Variants in DNAJC2 observed in about 807,000 individuals in gnomAD.
DNAJC2 encodes DnaJ heat shock protein family (Hsp40) member C2, also known as dnaJ homolog subfamily C member 2.
A neutral mutation model predicts 94.0 loss-of-function variants in DNAJC2; 32 were observed. That is an observed-to-expected ratio of 0.34 (90% CI 0.26 to 0.46). The LOEUF is 0.46. Ranked by LOEUF, DNAJC2 falls within the 20% of genes least tolerant of loss-of-function variation. DNAJC2 has a pLI of 1.00. For synonymous variants in DNAJC2, 210 were observed against 229.7 expected (o/e 0.91, Z 0.77); for missense variants, 550 against 719.5 (o/e 0.76, Z 2.69).
At chr7:103,313,852 GA>G in intron 15 of DNAJC2, 1 of 985,362 alleles carries the variant, frequency 1.0e-6, no homozygotes, top group Non-Finnish European at 1.2e-6. Context: ...TTAAGTGGTA[GA>G]AAGCTGATTT....
chr7:103,328,638 A>C (rs1818835774), intron 3 of DNAJC2, among the ~76,000 whole-genome samples: 1 of 152,084 alleles, frequency 6.6e-6, no homozygotes, highest in Non-Finnish European at 1.5e-5. Context: ...GTCAAAAAGA[A>C]GAAGAAGAAA....
At chr7:103,328,131 A>G (rs1439669512) in intron 3 of DNAJC2, among the ~76,000 whole-genome samples, 1 of 151,842 alleles carries the variant, frequency 6.6e-6, no homozygotes, top group African/African-American at 2.4e-5. Context: ...TATGTTGGCC[A>G]GGCTGGTCTC....
Position 103,319,802 on chromosome 7 carries a change from T to C in DNAJC2, c.1126A>G (p.Met376Val), listed in dbSNP as rs1186932415. Residue 376 changes from methionine to valine, a missense_variant, in exon 11 of 17, where the codon ATG becomes GTG. Met to Val is a conservative substitution (Grantham distance 21, BLOSUM62 1). Around this residue, in one of 2 missense-constraint regions of DNAJC2, gnomAD observed 271 missense variants for 302.6 expected, o/e 0.90. Transcript: ENST00000379263. ...CAAAGTTTTTCCACTTCTTCCATCA[T>C]TTTAACCCGCTCTGCCTCATTATCA... is the stretch of plus-strand genomic sequence containing the variant. ...FSDNEAERVK[M>V]MEEVEKLCDR... 3.7e-6 allele frequency: 6 copies of C among 1,614,080 alleles called. No individual in the cohort carries two copies. The highest frequency in any genetic ancestry group is 1.6e-4 in the Middle Eastern group (1 of 6,084).
chr7:103,337,474 T>C (rs1819218883), intron 3 of DNAJC2: 1 of 333,612 alleles, frequency 3.0e-6, no homozygotes, highest in Non-Finnish European at 5.4e-6. Flanking sequence ...AAGCTTGCCA[T>C]TGGAGGAGTA....
intron 4 of DNAJC2, 165 bp downstream of exon 4, chr7:103,327,491 C>G: frequency 1.5e-6 from 1 of 681,496 alleles, no homozygotes; most frequent in Non-Finnish European, 2.5e-6. Context: ...CACTTTGTGT[C>G]GTGAGGCTCT....
rs781374896 is a variant in DNAJC2, at chr7:103,322,545, T to C, written c.899A>G (p.Glu300Gly). ...AGCTTCTTGCTCCTTCCGTTTAGCT[T>C]CTGCTTTTGCTTTCTTTTCTGCTTC... ...KKEAEKKAKAEAKRKEQEAKE... is the reference protein window; with the variant it reads ...KKEAEKKAKAGAKRKEQEAKE... The change falls in exon 9 of 17, where the codon GAA becomes GGA. Residue 300 changes from glutamate (E) to glycine (G), a missense_variant. By Grantham distance (98) the Glu-to-Gly change is moderately conservative (BLOSUM62 -2). Coordinates refer to ENST00000379263, the MANE Select transcript of DNAJC2 (RefSeq NM_014377.3). 1 of 1,557,552 alleles carries C rather than the reference T, an allele frequency of 6.4e-7. No homozygotes were observed. The highest frequency in any genetic ancestry group is 1.4e-5 in the African/African-American group (1 of 73,884).
intron 3 of DNAJC2, among the ~76,000 whole-genome samples, chr7:103,331,495 T>C (rs1563469814): frequency 6.6e-6 from 1 of 152,202 alleles, no homozygotes; most frequent in Non-Finnish European, 1.5e-5. Flanking sequence ...GACCAACCTC[T>C]CTTTATCCCT....
chr7:103,319,099 C>G (rs1305130434), intron 12 of DNAJC2, among the ~76,000 whole-genome samples: 2 of 152,030 alleles, frequency 1.3e-5, no homozygotes, highest in African/African-American at 4.8e-5. Context: ...GTAATCCCAC[C>G]CGCACTCCAG....
rs370806379 is a variant in DNAJC2, at chr7:103,316,104, A to G, written c.1428-16T>C. On this transcript the variant is annotated splice_polypyrimidine_tract_variant and intron_variant, in intron 13 of 16. Transcript: ENST00000379263. The stretch of plus-strand genomic sequence containing the variant: ...AACTTCCCATCTGATAGGATATATT[A>G]TACAATAATATGAATAGTAGTAAGG... The G allele has an allele frequency of 1.6e-5, 23 of 1,470,630 alleles. No homozygotes were observed. Among genetic ancestry groups the G allele is most frequent in the South Asian group, 1.4e-4 (11 of 79,472 alleles). 91.1% of individuals were successfully genotyped at this position (1,470,630 alleles called of 1,614,324 possible).
intron 6 of DNAJC2, among the ~76,000 whole-genome samples, chr7:103,323,949 GTC>G (rs2115901389): frequency 6.6e-6 from 1 of 152,280 alleles, no homozygotes; most frequent in African/African-American, 2.4e-5. Context: ...AATTTCGCTA[GTC>G]TGTCAAGTCT....
At chr7:103,334,756 A>T (rs1224582175) in intron 3 of DNAJC2, among the ~76,000 whole-genome samples, 2 of 152,028 alleles carry the variant, frequency 1.3e-5, no homozygotes, top group African/African-American at 4.8e-5. Flanking sequence ...GCCTATAGAA[A>T]TCTTTTCATG....
chr7:103,336,247 G>T (rs1223939996), intron 3 of DNAJC2: 4 of 152,208 alleles, frequency 2.6e-5, no homozygotes, highest in African/African-American at 9.6e-5. Context: ...TTCTGAGAAA[G>T]AATTCTTTCA....
chr7:103,333,753 T>C (rs150250523), intron 3 of DNAJC2, among the ~76,000 whole-genome samples: 147 of 152,368 alleles, frequency 9.6e-4, no homozygotes, highest in African/African-American at 3.1e-3. Context: ...ACTTACAGTA[T>C]GCCTATGTCT....
intron 10 of DNAJC2, among the ~76,000 whole-genome samples, chr7:103,320,062 G>A (rs1425346746): frequency 6.6e-6 from 1 of 151,994 alleles, no homozygotes; most frequent in Non-Finnish European, 1.5e-5. Context: ...AACTGAACAG[G>A]TATAATTTTA....
At chr7:103,340,817 T>C (rs1267129800) in intron 2 of DNAJC2, among the ~76,000 whole-genome samples, 1 of 152,198 alleles carries the variant, frequency 6.6e-6, no homozygotes, top group Non-Finnish European at 1.5e-5. Context: ...GGCTGTAACC[T>C]CTTTTTGGAG....
At chr7:103,330,779 G>A (rs572263042) in intron 3 of DNAJC2, among the ~76,000 whole-genome samples, 22 of 148,674 alleles carry the variant, frequency 1.5e-4, no homozygotes, top group African/African-American at 5.2e-4. Context: ...GAGGGGTTTC[G>A]TCATGTTGGC....
At chr7:103,313,164 G>C in intron 15 of DNAJC2, 63 bp from the exon 16 acceptor site, 2 of 1,505,314 alleles carry the variant, frequency 1.3e-6, no homozygotes, top group South Asian at 2.6e-5. Flanking sequence ...AAGTCTTGTG[G>C]TCCACAAGTA....
intron 7 of DNAJC2, 83 bp from the exon 8 acceptor site, chr7:103,322,877 A>G (rs1818496590): frequency 9.3e-7 from 1 of 1,077,330 alleles, no homozygotes; most frequent in African/African-American, 1.6e-5. Flanking sequence ...AAATATTTAT[A>G]TGTACATAAC....
chr7:103,316,729 T>C, intron 13 of DNAJC2, 101 bp downstream of exon 13: 2 of 992,048 alleles, frequency 2.0e-6, no homozygotes, highest in South Asian at 3.2e-5. Flanking sequence ...AGAATTTATC[T>C]CTGCAAGTTT....
Sources: allele counts gnomAD v4.1 joint callset (sites outside exome capture counted in the v4.1 genomes callset), GRCh38; gene constraint gnomAD v4.1.1; regional missense constraint gnomAD v4.1.1; transcripts MANE v1.5; gene names NCBI Gene and HGNC (gene_info 2026-07-23, HGNC 2026-07-21).